SNTG1: variants seen among roughly 807,000 people sequenced by gnomAD.
SNTG1 encodes syntrophin gamma 1.
Under a neutral mutation model 74.7 loss-of-function variants are expected in SNTG1, and 39 were observed. The observed-to-expected ratio is 0.52, with a 90% CI of 0.40 to 0.68. SNTG1 has a LOEUF of 0.68. Ranked by LOEUF, SNTG1 falls within the 30% of genes least tolerant of loss-of-function variation. SNTG1 has a pLI of 0.00. For synonymous variants in SNTG1, 254 were observed against 217.1 expected (o/e 1.17, Z -1.49); for missense variants, 685 against 609.5 (o/e 1.12, Z -1.30).
At chr8:50,557,815 G>C (rs1209452536) in intron 12 of SNTG1, among the ~76,000 whole-genome samples, 2 of 152,198 alleles carry the variant, frequency 1.3e-5, no homozygotes, top group African/African-American at 2.4e-5. Flanking sequence ...AACATGATTA[G>C]ATTTAGACAG....
chr8:49,998,755 T>C (rs1814476151), intron 1 of SNTG1, among the ~76,000 whole-genome samples: 2 of 152,236 alleles, frequency 1.3e-5, no homozygotes, highest in Non-Finnish European at 2.9e-5. Context: ...TAATGATGCC[T>C]TCATCTGGAT....
chr8:50,741,229 ATTC>A (rs1248312407), intron 17 of SNTG1, among the ~76,000 whole-genome samples: 1 of 151,950 alleles, frequency 6.6e-6, no homozygotes, highest in African/African-American at 2.4e-5. Flanking sequence ...GGTTCAAGCA[ATTC>A]TTCTTCCTCA....
intron 2 of SNTG1, among the ~76,000 whole-genome samples, chr8:50,369,826 A>ACAGC (rs2092225423): frequency 6.6e-6 from 1 of 152,114 alleles, no homozygotes; most frequent in Non-Finnish European, 1.5e-5. Context: ...GCCCAAACTG[A>ACAGC]CTCGATGCCA....
At chr8:49,950,833 CT>C (rs1318329020) in intron 1 of SNTG1, among the ~76,000 whole-genome samples, 2 of 152,222 alleles carry the variant, frequency 1.3e-5, no homozygotes, top group African/African-American at 4.8e-5. Flanking sequence ...CTCCCCAGCT[CT>C]CCTCTACTTC....
At chr8:49,926,431 T>G (rs1346479715) in intron 1 of SNTG1, among the ~76,000 whole-genome samples, 4 of 152,092 alleles carry the variant, frequency 2.6e-5, no homozygotes, top group Admixed American at 2.6e-4. Flanking sequence ...AATGATTAAA[T>G]TTCAAACACC....
intron 17 of SNTG1, among the ~76,000 whole-genome samples, chr8:50,746,792 T>G (rs2095555974): frequency 6.7e-6 from 1 of 148,756 alleles, no homozygotes; most frequent in South Asian, 2.1e-4. Flanking sequence ...GTAAGTCATA[T>G]ATATGTATAA....
intron 1 of SNTG1, among the ~76,000 whole-genome samples, chr8:49,931,448 T>C (rs1807581186): frequency 1.3e-5 from 2 of 152,172 alleles, no homozygotes; most frequent in South Asian, 4.1e-4. Flanking sequence ...AAACTACCTA[T>C]TGGGTACAAT....
intron 18 of SNTG1, among the ~76,000 whole-genome samples, chr8:50,770,917 C>A (rs1238617906): frequency 1.3e-5 from 2 of 152,108 alleles, no homozygotes; most frequent in African/African-American, 2.4e-5. Context: ...GTCAAGCAAC[C>A]TAAGGCAGTC....
intron 1 of SNTG1, among the ~76,000 whole-genome samples, chr8:50,150,457 TC>T (rs2082027427): frequency 6.6e-6 from 1 of 152,226 alleles, no homozygotes. Context: ...AGAGAGGGCA[TC>T]CCTGTCTTGT....
chr8:50,278,372 T>A lies in SNTG1; in HGVS notation c.-28+105737T>A, dbSNP rs1287723256. 2.6e-5 allele frequency among the ~76,000 whole-genome samples: 4 copies of A among 152,210 alleles called. No homozygotes were observed. The East Asian group carries it at 7.7e-4, about 29-fold the overall frequency. On this transcript the variant is annotated intron_variant, in intron 2 of 18. Transcript: ENST00000642720. ...AGATTGTTTTCAACTGGCTTTGTAC[T>A]TTATGTCTGTCTGTTGGCTTTGGCC...
At chr8:49,966,175 C>T (rs1292622955) in intron 1 of SNTG1, among the ~76,000 whole-genome samples, 1 of 152,048 alleles carries the variant, frequency 6.6e-6, no homozygotes, top group East Asian at 1.9e-4. Context: ...AGTTTGGAGC[C>T]TGTCTAATTA....
At chr8:50,171,993 A>G (rs538901596) in intron 1 of SNTG1, among the ~76,000 whole-genome samples, 2 of 152,278 alleles carry the variant, frequency 1.3e-5, no homozygotes, top group South Asian at 4.1e-4. Context: ...CGGGATCTTT[A>G]AAAACTAAAT....
chr8:50,409,138 T>A (rs535535508), intron 4 of SNTG1, among the ~76,000 whole-genome samples: 1 of 152,248 alleles, frequency 6.6e-6, no homozygotes, highest in South Asian at 2.1e-4. Flanking sequence ...CTCAGAGGCT[T>A]CAGGAGGTGA....
chr8:50,735,810 A>T (rs955756477), intron 17 of SNTG1, among the ~76,000 whole-genome samples: 1 of 152,052 alleles, frequency 6.6e-6, no homozygotes, highest in Admixed American at 6.6e-5. Context: ...ACCACAAGAC[A>T]CATAATCATC....
chr8:50,752,933 T>C (rs933825093), intron 18 of SNTG1, among the ~76,000 whole-genome samples: 8 of 152,090 alleles, frequency 5.3e-5, no homozygotes, highest in Admixed American at 3.9e-4. Context: ...TCTCGAGATG[T>C]CCCATTCTTG....
chr8:50,563,204 C>T (rs530248676), intron 12 of SNTG1, among the ~76,000 whole-genome samples: 8 of 152,174 alleles, frequency 5.3e-5, no homozygotes, highest in Non-Finnish European at 1.2e-4. Flanking sequence ...ACAGCAACTA[C>T]TGCCTGTATC....
chr8:49,969,763 G>A (rs71511976), intron 1 of SNTG1, among the ~76,000 whole-genome samples: 1 of 152,074 alleles, frequency 6.6e-6, no homozygotes, highest in African/African-American at 2.4e-5. Context: ...GGTTAAAGAA[G>A]AGAGATACCC....
chr8:50,316,417 G>T (rs2090320834), intron 2 of SNTG1, among the ~76,000 whole-genome samples: 1 of 152,130 alleles, frequency 6.6e-6, no homozygotes, highest in Non-Finnish European at 1.5e-5. Context: ...AGGAATTAGT[G>T]CCTTTACTAA....
chr8:50,621,262 G>C (rs1227511900), intron 13 of SNTG1, among the ~76,000 whole-genome samples: 1 of 152,086 alleles, frequency 6.6e-6, no homozygotes, highest in Non-Finnish European at 1.5e-5. Context: ...CAGGGAGATA[G>C]TTCACACTTT....
Sources: allele counts gnomAD v4.1 joint callset (sites outside exome capture counted in the v4.1 genomes callset), GRCh38; gene constraint gnomAD v4.1.1; transcripts MANE v1.5; gene names NCBI Gene and HGNC (gene_info 2026-07-23, HGNC 2026-07-21).